USP11: variants seen among roughly 807,000 people sequenced by gnomAD.
The protein encoded by USP11 is ubiquitin specific peptidase 11, also known as ubiquitin carboxyl-terminal hydrolase 11.
Under a neutral mutation model 72.8 loss-of-function variants are expected in USP11, and 5 were observed. The observed-to-expected ratio is 0.07, with a 90% confidence interval of 0.04 to 0.14. USP11 has a LOEUF of 0.14. Among genes scored for constraint, USP11 ranks in the 10% least tolerant of loss-of-function variants. The pLI is 1.00. For synonymous variants in USP11, 368 were observed against 326.5 expected, an observed-to-expected ratio of 1.13 and a Z score of -1.37; for missense variants, 480 against 794.7, an observed-to-expected ratio of 0.60 and a Z score of 4.76.
chrX:47,245,061 G>A lies in USP11; in HGVS notation c.2132G>A (p.Arg711His), dbSNP rs768809646. ...AIDWEPEMKK[R>H]YYDEVEAEGY... ...GACTGGGAGCCAGAGATGAAGAAGC[G>A]TTACTATGACGAGGTAGAGGCTGAG... is the stretch of plus-strand genomic sequence containing the variant. Residue 711 changes from arginine to histidine, a missense_variant, in exon 16 of 21, where the codon CGT (arginine) becomes CAT (histidine). Around this residue, in one of 5 missense-constraint regions of USP11, gnomAD observed 314 missense variants for 556.0 expected, o/e 0.56. Transcript: ENST00000377107. 7.1e-5 allele frequency: 86 copies of A among 1,210,147 alleles called. No homozygotes were observed. The highest frequency in any genetic ancestry group is 9.0e-5 in the Non-Finnish European group (81 of 895,174).
chrX:47,239,207 C>G, intron 2 of USP11, 28 bp downstream of exon 2: 3 of 1,189,141 alleles, frequency 2.5e-6, no homozygotes, highest in Non-Finnish European at 2.3e-6. Flanking sequence ...CCTTCTCACC[C>G]TAGCCCTGGA....
At chrX:47,238,762 C>T (rs937055443) in intron 1 of USP11, among the ~76,000 whole-genome samples, 6 of 111,077 alleles carry the variant, frequency 5.4e-5, no homozygotes, top group South Asian at 3.7e-4. Context: ...AATGAATCAT[C>T]TTTTATTCTA....
rs1476260435 is a variant in USP11 at position 47,247,439 on chromosome X, T to C, written c.2536+20T>C. 8.3e-7 allele frequency: 1 copy of C among 1,202,273 alleles called. No individual in the cohort carries two copies. The highest frequency in any genetic ancestry group is 1.1e-6 in the Non-Finnish European group (1 of 890,194). On this transcript the variant is annotated intron_variant, in intron 19 of 20. Coordinates refer to ENST00000377107, the MANE Select transcript of USP11 (RefSeq NM_001371072.1). ...GACACTGTATGTGCCAGGCTGTGGG[T>C]GGGGCCTGCCCTGGGGGTTCTGGGC...
chrX:47,240,999 C>T, intron 7 of USP11, 123 bp downstream of exon 7: 1 of 722,627 alleles, frequency 1.4e-6, no homozygotes, highest in Non-Finnish European at 2.0e-6. Flanking sequence ...AAGCTGAGGC[C>T]CCACAAGTCT....
rs1202688603 is a variant in USP11, at chrX:47,244,568, C to G, written c.1843+18C>G. On this transcript the variant is annotated intron_variant, in intron 14 of 20. Transcript: ENST00000377107. ...TGAGAAAGGTGAGGGGGCTAACAGT[C>G]AGTGGGCGGGGGCTCTGGGTTAGGT... 1 of 1,208,208 alleles carries G rather than the reference C, an allele frequency of 8.3e-7. No homozygotes were observed. The highest frequency in any genetic ancestry group is 1.1e-6 in the Non-Finnish European group (1 of 894,560).
At position 47,245,784 on chromosome X, in the gene USP11, T is replaced by TCCA. The variant is rs1359942525; in HGVS notation, c.2270+305_2270+307dup. ...GTCTCGAACTCCTGACTAAAGATGA[T>TCCA]CCACCCGCCTTGGCCTTCCAAAGTG... On this transcript the variant is annotated intron_variant, in intron 17 of 20. Transcript: ENST00000377107. Among the ~76,000 whole-genome samples, 5 of 111,202 alleles carry TCCA rather than the reference T, an allele frequency of 4.5e-5. No homozygotes were observed. The East Asian group carries it at 1.4e-3, about 31-fold the overall frequency.
Position 47,242,261 on chromosome X carries a change from G to A in USP11, c.1359G>A (p.Leu453=). 1 of 1,212,153 alleles carries A rather than the reference G, an allele frequency of 8.2e-7. No individual in the cohort carries two copies. Among genetic ancestry groups the A allele is most frequent in the Non-Finnish European group, 1.1e-6 (1 of 895,578 alleles). Residue 453 remains leucine, a synonymous_variant, in exon 10 of 21, where the codon TTG becomes TTA. Transcript: ENST00000377107. ...VPLPISHKRV[L]EVFFIPMDPR... ...TGCCTATCAGCCACAAGAGGGTCTT[G>A]GAGGTCTTCTTTATCCCCATGGATC...
At chrX:47,237,552 G>A (rs930837866) in intron 1 of USP11, among the ~76,000 whole-genome samples, 14 of 110,857 alleles carry the variant, frequency 1.3e-4, no homozygotes, top group Admixed American at 1.1e-3. Flanking sequence ...GGCAAAGGTC[G>A]CAGTGAGCTG....
intron 16 of USP11, 131 bp downstream of exon 16, chrX:47,245,217 A>G (rs2055425923): frequency 2.1e-6 from 2 of 959,984 alleles, no homozygotes; most frequent in African/African-American, 1.9e-5. Flanking sequence ...TGGGGCCTGA[A>G]CACCTACTGA....
intron 17 of USP11, among the ~76,000 whole-genome samples, chrX:47,246,457 G>A (rs1411350434): frequency 1.8e-5 from 2 of 112,200 alleles, no homozygotes; most frequent in African/African-American, 6.5e-5. Flanking sequence ...GTGAATGAAT[G>A]ACTAAAATAC....
chrX:47,241,317 A>G lies in USP11; in HGVS notation c.887A>G (p.Asn296Ser). The change falls in exon 8 of 21, where the codon AAC becomes AGC. Residue 296 changes from asparagine to serine, a missense_variant. This residue lies in a region of USP11 where 314 missense variants were observed against 556.0 expected (regional missense o/e 0.56). Coordinates refer to ENST00000377107, the MANE Select transcript of USP11 (RefSeq NM_001371072.1). ...NVPQLTEYFL[N>S]NCYLEELNFR... The stretch of plus-strand genomic sequence containing the variant: ...CCACAGCTCACCGAGTACTTCCTCA[A>G]CAACTGCTACCTGGAGGAGCTCAAC... 8.3e-7 allele frequency: 1 copy of G among 1,211,231 alleles called. No individual in the cohort carries two copies. Among genetic ancestry groups the G allele is most frequent in the South Asian group, 1.8e-5 (1 of 56,890 alleles).
rs1470223282 is a variant in USP11, at chrX:47,243,596, G to A, written c.1784G>A (p.Arg595Gln). The change falls in exon 13 of 21, where the codon CGG becomes CAG. Residue 595 changes from arginine (R) to glutamine (Q), a missense_variant. Around this residue, in one of 5 missense-constraint regions of USP11, gnomAD observed 314 missense variants for 556.0 expected, o/e 0.56. Transcript: ENST00000377107. ...GGCCTGTATAACGTCCTGATGTACC[G>A]GCTCTCGTAAGTGTCCTCTTCCCCG... ...WEGLYNVLMYRLSRYVTKPNS... is the reference protein window; with the variant it reads ...WEGLYNVLMYQLSRYVTKPNS... 17 of 1,211,370 alleles carry A rather than the reference G, an allele frequency of 1.4e-5. No homozygotes were observed. The highest frequency in any genetic ancestry group is 1.8e-5 in the Non-Finnish European group (16 of 895,184).
At position 47,241,444 on chromosome X, in the gene USP11, G is replaced by A. The variant is rs1254162441; in HGVS notation, c.1014G>A (p.Val338=). ...ACCACCGCTCCATTGTGCCACATGT[G>A]TTCAAGGTGTGACTCAACCCTGGGC... is the stretch of plus-strand genomic sequence containing the variant. ...SGHHRSIVPH[V]FKNKVGHFAS... is the part of the protein sequence containing the mutation. The change falls in exon 8 of 21, where the codon GTG becomes GTA. Residue 338 remains valine, a synonymous_variant. Coordinates refer to ENST00000377107, the MANE Select transcript of USP11 (RefSeq NM_001371072.1). The A allele has an allele frequency of 1.7e-6, 2 of 1,203,705 alleles. No individual in the cohort carries two copies. The highest frequency in any genetic ancestry group is 3.6e-5 in the South Asian group (2 of 55,614).
rs750646813 is a variant in USP11 at position 47,247,057 on chromosome X, G to T, written c.2271-15G>T. On this transcript the variant is annotated splice_polypyrimidine_tract_variant and intron_variant, in intron 17 of 20. Transcript: ENST00000377107. The stretch of plus-strand genomic sequence containing the variant: ...AAAGAAAAAGTCCGTTTGCTGACTC[G>T]GGCTCTGTCTGTAGGTACTGCCCTT... The T allele has an allele frequency of 8.4e-6, 10 of 1,186,186 alleles. No homozygotes were observed. The highest frequency in any genetic ancestry group is 1.1e-5 in the Non-Finnish European group (10 of 886,715).
intron 13 of USP11, 26 bp downstream of exon 13, chrX:47,243,628 G>C: frequency 5.0e-6 from 6 of 1,195,443 alleles, no homozygotes; most frequent in Non-Finnish European, 6.8e-6. Context: ...CCCGGGGGTG[G>C]GGGGCGGAGG....
At position 47,241,438 on chromosome X, in the gene USP11, A is replaced by C. The variant is rs916050010; in HGVS notation, c.1008A>C (p.Pro336=). ...AWSGHHRSIV[P]HVFKNKVGHF... Reference sequence around the variant, plus strand: ...CTGGCCACCACCGCTCCATTGTGCCACATGTGTTCAAGGTGTGACTCAACC... The same window carrying C: ...CTGGCCACCACCGCTCCATTGTGCCCCATGTGTTCAAGGTGTGACTCAACC... The change falls in exon 8 of 21, where the codon CCA becomes CCC. Residue 336 remains proline, a synonymous_variant. Coordinates refer to ENST00000377107, the MANE Select transcript of USP11 (RefSeq NM_001371072.1). 1 of 1,204,436 alleles carries C rather than the reference A, an allele frequency of 8.3e-7. No individual in the cohort carries two copies. The highest frequency in any genetic ancestry group is 2.2e-5 in the Admixed American group (1 of 45,192).
Position 47,247,807 on chromosome X carries a change from T to C in USP11, c.2640T>C (p.Tyr880=). 3.3e-6 allele frequency: 4 copies of C among 1,208,642 alleles called. No individual in the cohort carries two copies. The highest frequency in any genetic ancestry group is 3.4e-6 in the Non-Finnish European group (3 of 894,092). The part of the protein sequence containing the change: ...NENQIESKAA[Y]VLFYQRQDVA... ...TCTCCCCACAGTCCAAGGCAGCCTA[T>C]GTCCTCTTCTACCAACGCCAGGACG... is the stretch of plus-strand genomic sequence containing the variant. Residue 880 remains tyrosine, a synonymous_variant, in exon 21 of 21, where the codon TAT becomes TAC. Transcript: ENST00000377107.
chrX:47,234,971 A>G (rs2055365009), intron 1 of USP11, among the ~76,000 whole-genome samples: 1 of 112,641 alleles, frequency 8.9e-6, no homozygotes, highest in African/African-American at 3.2e-5. Flanking sequence ...TGAAGGACAT[A>G]TGGGGATTCT....
At chrX:47,236,838 T>A (rs2055374370) in intron 1 of USP11, among the ~76,000 whole-genome samples, 2 of 112,189 alleles carry the variant, frequency 1.8e-5, no homozygotes, top group Non-Finnish European at 3.8e-5. Context: ...AATACCCAGC[T>A]GTAAATATAA....
Sources: gnomAD v4.1 joint callset for allele counts (sites outside exome capture counted in the v4.1 genomes callset) on GRCh38, gnomAD v4.1.1 for gene constraint, gnomAD v4.1.1 regional missense constraint, MANE v1.5 for transcripts, NCBI Gene and HGNC (gene_info 2026-07-23, HGNC 2026-07-21) for gene names.